Variants in METTL22 observed in about 807,000 individuals in gnomAD.
METTL22 encodes methyltransferase-like protein 22.
Under a neutral mutation model 48.4 loss-of-function variants are expected in METTL22, and 51 were observed. The observed-to-expected ratio is 1.05, with a 90% confidence interval of 0.84 to 1.33. The LOEUF (loss-of-function observed/expected upper bound fraction) is 1.33. Ranked by LOEUF, METTL22 falls within the 40% of genes most tolerant of loss-of-function variation. The pLI is 0.00. For missense variants in METTL22, 678 were observed against 526.9 expected (o/e 1.29, Z -2.81); for synonymous variants, 255 against 214.1 (o/e 1.19, Z -1.67).
chr16:8,643,878 T>G lies in METTL22; in HGVS notation c.1011-679T>G, dbSNP rs553318517. Among the ~76,000 whole-genome samples, 9 of 152,282 alleles carry G rather than the reference T, an allele frequency of 5.9e-5. No individual in the cohort carries two copies. The East Asian group carries it at 1.7e-3, about 29-fold the overall frequency. On this transcript the variant is annotated intron_variant, in intron 9 of 10. Coordinates refer to ENST00000381920, the MANE Select transcript of METTL22 (RefSeq NM_024109.4). Reference sequence around the variant, plus strand: ...ATCTGCCCTCCTCGGCCTCCCACAGTACTGAGATTACAGGTGGGAGCCACC... The same window carrying G: ...ATCTGCCCTCCTCGGCCTCCCACAGGACTGAGATTACAGGTGGGAGCCACC...
At chr16:8,630,382 C>T (rs1237547027) in intron 3 of METTL22, among the ~76,000 whole-genome samples, 1 of 152,174 alleles carries the variant, frequency 6.6e-6, no homozygotes, top group East Asian at 1.9e-4. Flanking sequence ...GAGACTGAGG[C>T]TCAGCGAGGT....
chr16:8,624,293 T>A (rs1392922571), intron 1 of METTL22, among the ~76,000 whole-genome samples: 1 of 152,150 alleles, frequency 6.6e-6, no homozygotes, highest in Non-Finnish European at 1.5e-5. Context: ...GTCACCTGCA[T>A]AATTTTGCCA....
intron 6 of METTL22, 25 bp downstream of exon 6, chr16:8,639,187 A>G (rs2056516092): frequency 6.2e-7 from 1 of 1,612,120 alleles, no homozygotes; most frequent in African/African-American, 1.3e-5. Context: ...GTCTTCTGCC[A>G]GGGAGGGAGG....
chr16:8,641,301 A>T, intron 7 of METTL22, 117 bp downstream of exon 7: 1 of 994,940 alleles, frequency 1.0e-6, no homozygotes, highest in Non-Finnish European at 1.6e-6. Flanking sequence ...CCACAGTCCC[A>T]TCGGCGCATG....
intron 7 of METTL22, chr16:8,641,561 C>A: frequency 2.1e-6 from 1 of 487,280 alleles, no homozygotes; most frequent in Non-Finnish European, 4.0e-6. Flanking sequence ...TGCCAGGAAA[C>A]CCCCCGGGTA....
intron 9 of METTL22, chr16:8,642,910 C>A (rs921474903): frequency 1.9e-5 from 5 of 264,338 alleles, no homozygotes; most frequent in Non-Finnish European, 3.7e-5. Flanking sequence ...TTGAGAGCTT[C>A]TCTTCCTGAA....
intron 1 of METTL22, among the ~76,000 whole-genome samples, chr16:8,622,024 C>G (rs559667481): frequency 6.6e-6 from 1 of 152,192 alleles, no homozygotes; most frequent in Non-Finnish European, 1.5e-5. Context: ...GGGCAGTGCC[C>G]GACCTGTGAC....
At chr16:8,643,895 G>A (rs1044697629) in intron 9 of METTL22, among the ~76,000 whole-genome samples, 14 of 152,124 alleles carry the variant, frequency 9.2e-5, no homozygotes, top group Non-Finnish European at 2.1e-4. Context: ...ATTACAGGTG[G>A]GAGCCACCAC....
chr16:8,658,173 C>G, the METTL22 span, among the ~76,000 whole-genome samples: 1 of 152,130 alleles, frequency 6.6e-6, no homozygotes, highest in Admixed American at 6.6e-5. Flanking sequence ...GTGAAGATGG[C>G]CTATGAAGGC....
the METTL22 span, among the ~76,000 whole-genome samples, chr16:8,661,133 A>G: frequency 1.3e-5 from 2 of 152,014 alleles, no homozygotes; most frequent in African/African-American, 4.8e-5. Flanking sequence ...TTCTCACCAC[A>G]AGGTGGTGCC....
chr16:8,662,486 A>C, the METTL22 span, among the ~76,000 whole-genome samples: 1 of 144,188 alleles, frequency 6.9e-6, no homozygotes, highest in Admixed American at 7.1e-5. Flanking sequence ...AGGCTTCAGG[A>C]AACAACTGCT....
At chr16:8,658,424 T>C in the METTL22 span, among the ~76,000 whole-genome samples, 1 of 152,160 alleles carries the variant, frequency 6.6e-6, no homozygotes, top group Non-Finnish European at 1.5e-5. Flanking sequence ...CTCAGAAATG[T>C]GCACCTCATG....
intron 1 of METTL22, among the ~76,000 whole-genome samples, chr16:8,622,116 G>C (rs1471320216): frequency 6.6e-6 from 1 of 152,174 alleles, no homozygotes; most frequent in Non-Finnish European, 1.5e-5. Context: ...AGCCCCACGG[G>C]GGACGTCCCC....
chr16:8,633,300 A>G (rs1567233233), intron 3 of METTL22, among the ~76,000 whole-genome samples: 1 of 152,090 alleles, frequency 6.6e-6, no homozygotes, highest in Non-Finnish European at 1.5e-5. Context: ...TTCCCCAAGC[A>G]GGCTGAAGAG....
intron 1 of METTL22, among the ~76,000 whole-genome samples, chr16:8,622,128 G>C (rs2055872996): frequency 6.6e-6 from 1 of 152,138 alleles, no homozygotes; most frequent in Non-Finnish European, 1.5e-5. Context: ...GACGTCCCCG[G>C]AGCCCCTCAC....
chr16:8,656,970 G>A, the METTL22 span, among the ~76,000 whole-genome samples: 3 of 152,196 alleles, frequency 2.0e-5, no homozygotes, highest in African/African-American at 4.8e-5. Flanking sequence ...ACCCACTCCC[G>A]AGAAGACAAA....
In METTL22 at chr16:8,632,896, C is replaced by G. The variant is rs546845474; in HGVS notation, c.515-2143C>G. Among the ~76,000 whole-genome samples, 120 of 152,246 alleles carry G rather than the reference C, an allele frequency of 7.9e-4. 1 individual carries two copies. The highest frequency in any genetic ancestry group is 1.3e-3 in the Non-Finnish European group (91 of 68,022). ...GAGGACAGCTGGGAGGCAGAACTTACGTCCACGAGACCCCTGGAAGGAAGT... is the reference window on the plus strand; with the variant it reads ...GAGGACAGCTGGGAGGCAGAACTTAGGTCCACGAGACCCCTGGAAGGAAGT... On this transcript the variant is annotated intron_variant, in intron 3 of 10. Transcript: ENST00000381920.
chr16:8,633,699 C>G (rs934684413), intron 3 of METTL22, among the ~76,000 whole-genome samples: 2 of 152,256 alleles, frequency 1.3e-5, no homozygotes, highest in African/African-American at 2.4e-5. Flanking sequence ...CTAACCTCAC[C>G]CAGCCACCTT....
intron 2 of METTL22, among the ~76,000 whole-genome samples, chr16:8,627,647 C>G (rs1478319090): frequency 1.3e-5 from 2 of 152,212 alleles, no homozygotes; most frequent in Non-Finnish European, 2.9e-5. Context: ...TATGAAGCCA[C>G]AGCCATGCCC....
Sources: gnomAD v4.1 joint callset for allele counts (sites outside exome capture counted in the v4.1 genomes callset) on GRCh38, gnomAD v4.1.1 for gene constraint, MANE v1.5 for transcripts, NCBI Gene and HGNC (gene_info 2026-07-23, HGNC 2026-07-21) for gene names.